The following SEPTIN9 variants were observed in gnomAD, a reference collection of about 807,000 sequenced individuals.
SEPTIN9 encodes septin-9.
In SEPTIN9, 13 loss-of-function variants were observed where a neutral mutation model predicts 56.6. The ratio of observed to expected loss-of-function variants is 0.23; its 90% CI spans 0.15 to 0.37. The LOEUF is 0.37. Ranked by LOEUF, SEPTIN9 falls within the 10% of genes least tolerant of loss-of-function variation. The pLI is 1.00. For synonymous variants in SEPTIN9, 332 were observed against 334.1 expected (o/e 0.99, Z 0.07); for missense variants, 650 against 823.1 (o/e 0.79, Z 2.57).
intron 2 of SEPTIN9, among the ~76,000 whole-genome samples, chr17:77,356,397 G>A (rs539073604): frequency 5.3e-5 from 8 of 151,972 alleles, no homozygotes; most frequent in African/African-American, 7.2e-5. Context: ...GGGGTTGGAC[G>A]GGTTGAGTGT....
At position 77,487,625 on chromosome 17, in the gene SEPTIN9, A is replaced by C. The variant is rs910503695; in HGVS notation, c.1042+73A>C. ...TGGAGCACAGGGGTTGGGGGTCAAG[A>C]CCATCACACACAGTCAGTGGCCAGG... On this transcript the variant is annotated intron_variant, in intron 5 of 11. Transcript: ENST00000427177. This position sits in a 1 kb window ranked among gnomAD's most constrained non-coding sequence, Gnocchi z 4.3. The C allele has an allele frequency of 8.2e-7, 1 of 1,216,398 alleles. No homozygotes were observed. Among genetic ancestry groups the C allele is most frequent in the African/African-American group, 2.5e-5 (1 of 39,292 alleles). 75.4% of individuals were successfully genotyped at this position (1,216,398 alleles called of 1,614,324 possible). A position where few individuals can be genotyped will look rare whatever the true frequency, so the allele number is the denominator to read the frequency against.
At chr17:77,474,883 G>A (rs1355100231) in intron 3 of SEPTIN9, among the ~76,000 whole-genome samples, 1 of 152,114 alleles carries the variant, frequency 6.6e-6, no homozygotes, top group African/African-American at 2.4e-5. Flanking sequence ...AGTAACACCT[G>A]GGGCTCGGTG....
At chr17:77,440,776 G>A (rs555879854) in intron 3 of SEPTIN9, among the ~76,000 whole-genome samples, 72 of 152,322 alleles carry the variant, frequency 4.7e-4, no homozygotes, top group Non-Finnish European at 7.2e-4. Context: ...CCTTTTTGCA[G>A]ATGAGAGAGC....
At chr17:77,388,768 A>G (rs1460619865) in intron 2 of SEPTIN9, among the ~76,000 whole-genome samples, 1 of 143,294 alleles carries the variant, frequency 7.0e-6, no homozygotes, top group Non-Finnish European at 1.5e-5. Context: ...CCCGTGATTA[A>G]TGGAGGCTCC....
rs576788262 is a variant in SEPTIN9 at position 77,412,060 on chromosome 17, G to GCAGA, written c.721+9358_721+9361dup. ...CAGGAGACTTGCTTGAACCCAGCAG[G>GCAGA]CAGAGGTTGCAGTGAGCCAAGATCG... On this transcript the variant is annotated intron_variant, in intron 3 of 11. Coordinates refer to ENST00000427177, the MANE Select transcript of SEPTIN9 (RefSeq NM_001113491.2). Among the ~76,000 whole-genome samples the GCAGA allele has an allele frequency of 6.5e-3, 977 of 150,720 alleles. 17 individuals carry two copies. The highest frequency in any genetic ancestry group is 0.023 in the African/African-American group (934 of 40,826).
In SEPTIN9 at chr17:77,434,863, C is replaced by T. The variant is rs1285928492; in HGVS notation, c.721+32160C>T. On this transcript the variant is annotated intron_variant, in intron 3 of 11. Transcript: ENST00000427177. This position sits in a 1 kb window ranked among gnomAD's most constrained non-coding sequence, Gnocchi z 5.0. ...AGTCGCTGGAACTAAGAGTGAACTT[C>T]AGCTGTTGTTGCCATAGCTGGAGGG... is the stretch of plus-strand genomic sequence containing the variant. 6.6e-6 allele frequency among the ~76,000 whole-genome samples: 1 copy of T among 152,106 alleles called. No homozygotes were observed. Among genetic ancestry groups the T allele is most frequent in the Non-Finnish European group, 1.5e-5 (1 of 68,008 alleles).
intron 1 of SEPTIN9, among the ~76,000 whole-genome samples, chr17:77,297,064 G>A (rs1370164870): frequency 6.6e-6 from 1 of 152,118 alleles, no homozygotes; most frequent in African/African-American, 2.4e-5. Flanking sequence ...AAAGATAGAT[G>A]ATAGATAGAT....
chr17:77,373,172 G>A, intron 2 of SEPTIN9: 1 of 1,063,090 alleles, frequency 9.4e-7, no homozygotes, highest in Non-Finnish European at 1.1e-6. Context: ...TCCCCCAGCG[G>A]CCACTCGGGC....
chr17:77,395,256 A>C (rs944503510), intron 2 of SEPTIN9, among the ~76,000 whole-genome samples: 3 of 151,904 alleles, frequency 2.0e-5, no homozygotes, highest in African/African-American at 7.2e-5. Context: ...GGCCGGGTGC[A>C]GTGGCTCACG....
rs1685645543 is a variant in SEPTIN9, at chr17:77,471,013, C to T, written c.722-11131C>T. The T allele has an allele frequency of 2.0e-5, 3 of 152,290 alleles. 1 individual carries two copies. In the South Asian group the frequency reaches 6.2e-4, roughly 32 times the overall value. 9.4% of individuals were successfully genotyped at this position (152,290 alleles called of 1,614,324 possible). A position where few individuals can be genotyped will look rare whatever the true frequency, so the allele number is the denominator to read the frequency against. ...CTTCCAGACCTCCTCAACTCCCAGG[C>T]TCCTGAGCAGGAGGACTCCTGGGGC... On this transcript the variant is annotated intron_variant, in intron 3 of 11. Transcript: ENST00000427177.
rs938840764 is a variant in SEPTIN9, at chr17:77,402,946, C to T, written c.721+243C>T. On this transcript the variant is annotated intron_variant, in intron 3 of 11. Coordinates refer to ENST00000427177, the MANE Select transcript of SEPTIN9 (RefSeq NM_001113491.2). The surrounding 1 kb of genome is among the most constrained non-coding windows in gnomAD (Gnocchi z 6.6). Reference sequence around the variant, plus strand: ...TTGAATGAGAGTTTGGAAAGATTTTCTGGGTTTCAAGGAGCCTCCTTTATG... The same window carrying T: ...TTGAATGAGAGTTTGGAAAGATTTTTTGGGTTTCAAGGAGCCTCCTTTATG... 2.6e-5 allele frequency among the ~76,000 whole-genome samples: 4 copies of T among 152,110 alleles called. No homozygotes were observed. Among genetic ancestry groups the T allele is most frequent in the African/African-American group, 9.7e-5 (4 of 41,422 alleles).
At position 77,407,871 on chromosome 17, in the gene SEPTIN9, T is replaced by A. The variant is rs539238363; in HGVS notation, c.721+5168T>A. Among the ~76,000 whole-genome samples, 54 of 152,310 alleles carry A rather than the reference T, an allele frequency of 3.5e-4. 1 individual carries two copies. Among genetic ancestry groups the A allele is most frequent in the African/African-American group, 1.3e-3 (52 of 41,564 alleles). ...CCTCCTCTCCTGGATCCCTGCTCTT[T>A]TCCTGCCCCCCAACATGGGTGCCTC... On this transcript the variant is annotated intron_variant, in intron 3 of 11. Transcript: ENST00000427177.
intron 2 of SEPTIN9, chr17:77,374,754 G>A (rs1320023343): frequency 6.6e-6 from 1 of 152,406 alleles, no homozygotes; most frequent in African/African-American, 2.4e-5. Context: ...TCTGAGTGGG[G>A]GAGGCGGGGC....
At chr17:77,396,682 G>T (rs2035727109) in intron 2 of SEPTIN9, among the ~76,000 whole-genome samples, 1 of 152,150 alleles carries the variant, frequency 6.6e-6, no homozygotes, top group Admixed American at 6.5e-5. Flanking sequence ...TGTTCTGCCA[G>T]CCTGGTGACA....
chr17:77,423,627 C>T (rs1381460059), intron 3 of SEPTIN9, among the ~76,000 whole-genome samples: 2 of 152,266 alleles, frequency 1.3e-5, no homozygotes, highest in Non-Finnish European at 2.9e-5. Flanking sequence ...TCGATCTCAG[C>T]GCCTCCCCTT....
At chr17:77,407,545 T>C (rs1327236420) in intron 3 of SEPTIN9, among the ~76,000 whole-genome samples, 1 of 151,632 alleles carries the variant, frequency 6.6e-6, no homozygotes, top group East Asian at 2.0e-4. Flanking sequence ...TGGGTGGGTG[T>C]TGGCTTCAGT....
At chr17:77,315,320 C>T (rs958110955) in intron 2 of SEPTIN9, among the ~76,000 whole-genome samples, 27 of 150,728 alleles carry the variant, frequency 1.8e-4, no homozygotes, top group Non-Finnish European at 3.5e-4. Context: ...TGGAATCTCG[C>T]GCTGTCGCCC....
intron 2 of SEPTIN9, among the ~76,000 whole-genome samples, chr17:77,353,145 G>A (rs1023022080): frequency 6.6e-6 from 1 of 152,136 alleles, no homozygotes; most frequent in Non-Finnish European, 1.5e-5. Flanking sequence ...CCCACAGAAC[G>A]AACGGCCTCT....
In SEPTIN9 at chr17:77,475,302, A is replaced by T; in HGVS notation, c.722-6842A>T. 1.4e-6 allele frequency: 2 copies of T among 1,418,398 alleles called. No individual in the cohort carries two copies. The highest frequency in any genetic ancestry group is 1.8e-6 in the Non-Finnish European group (2 of 1,090,936). The allele number at this position is 1,418,398 out of a possible 1,614,324, so 87.9% of individuals were successfully genotyped here. ...GAGCAGGCTCTGTGTGGGAGCGGGG[A>T]GGGCAAGCCCTGGTTGCGAGGCAGG... On this transcript the variant is annotated intron_variant, in intron 3 of 11. Transcript: ENST00000427177. This position sits in a 1 kb window ranked among gnomAD's most constrained non-coding sequence, Gnocchi z 4.6.
Sources: gnomAD v4.1 joint callset for allele counts (sites outside exome capture counted in the v4.1 genomes callset) on GRCh38, gnomAD v4.1.1 for gene constraint, Gnocchi (gnomAD v3.1) non-coding constraint, MANE v1.5 for transcripts, NCBI Gene and HGNC (gene_info 2026-07-23, HGNC 2026-07-21) for gene names.